Variants in CACNA2D3 observed in about 807,000 individuals in gnomAD.
The protein encoded by CACNA2D3 is calcium voltage-gated channel auxiliary subunit alpha2delta 3, also known as voltage-dependent calcium channel subunit alpha-2/delta-3.
A neutral mutation model predicts 160.6 loss-of-function variants in CACNA2D3; 60 were observed. The ratio of observed to expected loss-of-function variants is 0.37; its 90% confidence interval spans 0.30 to 0.46. The LOEUF (loss-of-function observed/expected upper bound fraction) is 0.46. Ranked by LOEUF, CACNA2D3 falls within the 20% of genes least tolerant of loss-of-function variation. The pLI is 1.00. For synonymous variants in CACNA2D3, 558 were observed against 492.9 expected (o/e 1.13, Z -1.75); for missense variants, 1,205 against 1,365.0 (o/e 0.88, Z 1.85).
At chr3:54,977,643 G>A (rs1702419736) in intron 29 of CACNA2D3, among the ~76,000 whole-genome samples, 1 of 152,102 alleles carries the variant, frequency 6.6e-6, no homozygotes, top group African/African-American at 2.4e-5. Flanking sequence ...TCTGAATATG[G>A]AGGCCACTTC....
chr3:54,836,887 A>C (rs1698702756), intron 14 of CACNA2D3, among the ~76,000 whole-genome samples: 1 of 152,246 alleles, frequency 6.6e-6, no homozygotes, highest in African/African-American at 2.4e-5. Context: ...AGATCCAAAC[A>C]AGGTTCTCTT....
At chr3:54,600,123 G>A (rs1454750173) in intron 9 of CACNA2D3, among the ~76,000 whole-genome samples, 1 of 152,276 alleles carries the variant, frequency 6.6e-6, no homozygotes. Flanking sequence ...CCAGTTCTGC[G>A]GTTTCAAGCA....
At chr3:55,059,921 C>T in intron 35 of CACNA2D3, among the ~76,000 whole-genome samples, 1 of 152,064 alleles carries the variant, frequency 6.6e-6, no homozygotes, top group Non-Finnish European at 1.5e-5. Context: ...TCTCCTCTGC[C>T]AGGCTGCTCT....
At chr3:54,775,684 A>G (rs1440674325) in intron 13 of CACNA2D3, among the ~76,000 whole-genome samples, 5 of 152,202 alleles carry the variant, frequency 3.3e-5, no homozygotes, top group Non-Finnish European at 7.3e-5. Flanking sequence ...AAGTTAGTAT[A>G]GTAATATGAC....
intron 31 of CACNA2D3, among the ~76,000 whole-genome samples, chr3:54,993,997 T>G (rs963917954): frequency 2.6e-5 from 4 of 151,722 alleles, no homozygotes; most frequent in African/African-American, 9.7e-5. Context: ...CGCTTGAGCT[T>G]TTACCTGTCC....
At chr3:54,460,705 A>G (rs905503949) in intron 4 of CACNA2D3, among the ~76,000 whole-genome samples, 11 of 152,186 alleles carry the variant, frequency 7.2e-5, no homozygotes, top group African/African-American at 2.2e-4. Context: ...TAGATATACA[A>G]TCATGTCATC....
intron 3 of CACNA2D3, among the ~76,000 whole-genome samples, chr3:54,348,223 A>G (rs1010304683): frequency 2.6e-5 from 4 of 152,180 alleles, no homozygotes; most frequent in Non-Finnish European, 2.9e-5. Flanking sequence ...TGGATTCAAC[A>G]TAGTCAATTA....
intron 34 of CACNA2D3, among the ~76,000 whole-genome samples, chr3:55,014,007 A>C (rs1417755259): frequency 6.6e-6 from 1 of 152,154 alleles, no homozygotes; most frequent in Non-Finnish European, 1.5e-5. Flanking sequence ...GATAGGAGGC[A>C]CAGCAGTGTG....
At chr3:54,853,054 T>C (rs1489033067) in intron 17 of CACNA2D3, among the ~76,000 whole-genome samples, 3 of 152,184 alleles carry the variant, frequency 2.0e-5, no homozygotes, top group Non-Finnish European at 4.4e-5. Flanking sequence ...CAAATTCTCA[T>C]GCTCAACTCT....
chr3:54,520,212 C>T (rs1701624113), intron 5 of CACNA2D3, among the ~76,000 whole-genome samples: 1 of 152,220 alleles, frequency 6.6e-6, no homozygotes, highest in African/African-American at 2.4e-5. Flanking sequence ...TGGCCTTTCT[C>T]ACATTATAAC....
intron 26 of CACNA2D3, chr3:54,897,090 T>C (rs1575538478): frequency 3.9e-6 from 2 of 511,224 alleles, no homozygotes; most frequent in East Asian, 6.3e-5. Context: ...TATGTAAATG[T>C]ATTTCAGGAA....
At chr3:54,469,478 A>C (rs1700689637) in intron 4 of CACNA2D3, among the ~76,000 whole-genome samples, 1 of 152,206 alleles carries the variant, frequency 6.6e-6, no homozygotes, top group Non-Finnish European at 1.5e-5. Context: ...AGGAAAAACC[A>C]GTGCAAAAAG....
At chr3:54,936,697 C>T (rs549615693) in intron 27 of CACNA2D3, among the ~76,000 whole-genome samples, 7 of 152,106 alleles carry the variant, frequency 4.6e-5, no homozygotes, top group African/African-American at 1.2e-4. Context: ...GTCAGCCCGT[C>T]GCTAGTAGGA....
At chr3:54,681,408 A>T (rs927360497) in intron 11 of CACNA2D3, among the ~76,000 whole-genome samples, 14 of 144,172 alleles carry the variant, frequency 9.7e-5, no homozygotes, top group Admixed American at 1.4e-4. Context: ...AAAAAAAAAA[A>T]GGCCAGGCAT....
intron 9 of CACNA2D3, chr3:54,626,103 G>C (rs1440697220): frequency 2.7e-5 from 16 of 592,234 alleles, no homozygotes; most frequent in South Asian, 2.6e-4. Flanking sequence ...GCGGACAAAA[G>C]TGGGGATGCC....
At chr3:54,300,687 G>A (rs1051713947) in intron 2 of CACNA2D3, among the ~76,000 whole-genome samples, 4 of 152,144 alleles carry the variant, frequency 2.6e-5, no homozygotes, top group Non-Finnish European at 4.4e-5. Flanking sequence ...TTCTGATTTT[G>A]GATGATCAAT....
At chr3:54,622,253 T>C (rs1036157420) in intron 9 of CACNA2D3, among the ~76,000 whole-genome samples, 1 of 152,178 alleles carries the variant, frequency 6.6e-6, no homozygotes, top group Non-Finnish European at 1.5e-5. Flanking sequence ...GAACTCAGTC[T>C]CCTGACCCCC....
chr3:54,230,486 C>A (rs12485692), intron 2 of CACNA2D3, among the ~76,000 whole-genome samples: 1 of 152,086 alleles, frequency 6.6e-6, no homozygotes, highest in Non-Finnish European at 1.5e-5. Context: ...TAGATAATTT[C>A]GAAGAGAATA....
At chr3:54,537,971 C>G (rs1474281833) in intron 5 of CACNA2D3, among the ~76,000 whole-genome samples, 1 of 152,174 alleles carries the variant, frequency 6.6e-6, no homozygotes, top group African/African-American at 2.4e-5. Context: ...GTGACCCACA[C>G]TGGGACCCTG....
Sources: allele counts gnomAD v4.1 joint callset (sites outside exome capture counted in the v4.1 genomes callset), GRCh38; gene constraint gnomAD v4.1.1; transcripts MANE v1.5; gene names NCBI Gene and HGNC (gene_info 2026-07-23, HGNC 2026-07-21).